Variants in XIRP2 observed in about 807,000 individuals in gnomAD.
XIRP2 encodes xin actin binding repeat containing 2.
A neutral mutation model predicts 277.0 loss-of-function variants in XIRP2; 236 were observed. The observed-to-expected ratio is 0.85, with a 90% CI of 0.77 to 0.95. The LOEUF (loss-of-function observed/expected upper bound fraction) is 0.95, where lower values mean the gene tolerates loss of function less well. Ranked by LOEUF, XIRP2 falls within the 40% of genes least tolerant of loss-of-function variation. The pLI is 0.00. For synonymous variants in XIRP2, 1,490 were observed against 1,416.5 expected, an observed-to-expected ratio of 1.05 and a Z score of -1.17; for missense variants, 4,640 against 4,157.5, an observed-to-expected ratio of 1.12 and a Z score of -3.19.
intron 10 of XIRP2, among the ~76,000 whole-genome samples, chr2:167,256,175 T>G (rs1032870313): frequency 5.3e-5 from 8 of 151,590 alleles, no homozygotes; most frequent in African/African-American, 1.9e-4. Context: ...AAAGTTTGTT[T>G]TAATTATAAC....
At position 167,021,408 on chromosome 2, in the gene XIRP2, T is replaced by C. The variant is rs540643222; in HGVS notation, c.409-114501T>C. On this transcript the variant is annotated intron_variant, in intron 2 of 10. Coordinates refer to ENST00000409195, the MANE Select transcript of XIRP2 (RefSeq NM_152381.6). ...TGTCTGCTCCCAAAACAGTATATTATTTTAATTATAGCACTACACGTGCAA... is the reference window on the plus strand; with the variant it reads ...TGTCTGCTCCCAAAACAGTATATTACTTTAATTATAGCACTACACGTGCAA... 3.3e-5 allele frequency among the ~76,000 whole-genome samples: 5 copies of C among 152,258 alleles called. 1 individual carries two copies. In the South Asian group the frequency reaches 1.0e-3, roughly 32 times the overall value.
intron 1 of XIRP2, among the ~76,000 whole-genome samples, chr2:166,896,585 T>C (rs925293533): frequency 2.0e-5 from 3 of 152,008 alleles, no homozygotes; most frequent in African/African-American, 7.2e-5. Flanking sequence ...CTAAGTGTTA[T>C]TAAGAAAGAG....
chr2:167,207,439 G>A (rs983234111), intron 3 of XIRP2, among the ~76,000 whole-genome samples: 6 of 152,112 alleles, frequency 3.9e-5, no homozygotes, highest in African/African-American at 1.4e-4. Flanking sequence ...CAGAGGGGTC[G>A]CTATTCAATC....
intron 2 of XIRP2, among the ~76,000 whole-genome samples, chr2:166,963,945 A>G (rs1005195285): frequency 6.6e-6 from 1 of 151,800 alleles, no homozygotes; most frequent in African/African-American, 2.4e-5. Context: ...CCAGGTGAAG[A>G]CATGGTGTGT....
chr2:167,198,910 A>G (rs1054633306), intron 3 of XIRP2, among the ~76,000 whole-genome samples: 2 of 152,224 alleles, frequency 1.3e-5, no homozygotes, highest in Admixed American at 6.5e-5. Context: ...CTGTTCGTGG[A>G]CTTAGGCAGA....
At chr2:166,907,622 T>C (rs1433722577) in intron 2 of XIRP2, among the ~76,000 whole-genome samples, 1 of 152,060 alleles carries the variant, frequency 6.6e-6, no homozygotes, top group Non-Finnish European at 1.5e-5. Context: ...GTTTTTTTTT[T>C]TTTTTTAATA....
In XIRP2 at chr2:167,243,692, T is replaced by G. The variant is rs1695152481; in HGVS notation, c.2300T>G (p.Val767Gly). ...AGAGAAGACGTTGAAAAGGGAGATG[T>G]AAGAACAGCACGGTGGATGTTTGAA... is the stretch of plus-strand genomic sequence containing the variant. ...VHREDVEKGD[V>G]RTARWMFETQ... Residue 767 changes from valine to glycine, a missense_variant, in exon 9 of 11, where the codon GTA (valine) becomes GGA (glycine). Transcript: ENST00000409195. The G allele has an allele frequency of 1.2e-6, 2 of 1,614,000 alleles. No individual in the cohort carries two copies. Among genetic ancestry groups the G allele is most frequent in the Admixed American group, 3.3e-5 (2 of 60,010 alleles).
At chr2:167,087,046 G>A (rs1247642693) in intron 2 of XIRP2, among the ~76,000 whole-genome samples, 1 of 150,990 alleles carries the variant, frequency 6.6e-6, no homozygotes, top group East Asian at 1.9e-4. Context: ...CAGTTTTTCT[G>A]TTCTGTTTTT....
intron 2 of XIRP2, among the ~76,000 whole-genome samples, chr2:166,906,856 G>A (rs1488094217): frequency 1.3e-5 from 2 of 152,228 alleles, no homozygotes; most frequent in East Asian, 1.9e-4. Context: ...GATCCCATGA[G>A]CAAGGGGTTG....
chr2:166,948,554 T>C (rs912423421), intron 2 of XIRP2, among the ~76,000 whole-genome samples: 2 of 152,076 alleles, frequency 1.3e-5, no homozygotes, highest in Non-Finnish European at 2.9e-5. Context: ...CTTTGTGGGC[T>C]AAGAATTATT....
At chr2:167,127,360 A>G (rs1691238433) in intron 2 of XIRP2, among the ~76,000 whole-genome samples, 1 of 152,204 alleles carries the variant, frequency 6.6e-6, no homozygotes, top group Non-Finnish European at 1.5e-5. Context: ...TAATGAAATC[A>G]GTACATTGTG....
At chr2:166,894,305 T>C (rs1288969739) in intron 1 of XIRP2, among the ~76,000 whole-genome samples, 2 of 152,138 alleles carry the variant, frequency 1.3e-5, no homozygotes, top group Non-Finnish European at 2.9e-5. Flanking sequence ...GAAGACCTCA[T>C]ACTCTTTTAT....
chr2:167,240,827 C>T, intron 7 of XIRP2, 91 bp downstream of exon 7: 1 of 1,068,824 alleles, frequency 9.4e-7, no homozygotes, highest in Non-Finnish European at 1.4e-6. Flanking sequence ...CAGTCCTCCC[C>T]TCTGAGTAAC....
At chr2:167,156,721 A>G (rs748712933) in intron 3 of XIRP2, among the ~76,000 whole-genome samples, 1 of 152,202 alleles carries the variant, frequency 6.6e-6, no homozygotes, top group Non-Finnish European at 1.5e-5. Flanking sequence ...TGTATCAAAT[A>G]CAGTTTGCCA....
intron 3 of XIRP2, among the ~76,000 whole-genome samples, chr2:167,154,521 C>G (rs1369592984): frequency 7.3e-5 from 11 of 151,350 alleles, no homozygotes; most frequent in South Asian, 2.1e-4. Flanking sequence ...AGGTTTTCTT[C>G]TAGGGTTTCT....
At chr2:166,977,499 C>T (rs1181792402) in intron 2 of XIRP2, among the ~76,000 whole-genome samples, 1 of 152,108 alleles carries the variant, frequency 6.6e-6, no homozygotes, top group Non-Finnish European at 1.5e-5. Context: ...GTACTGTTAA[C>T]ATTTTACTGT....
chr2:167,000,614 C>T (rs1374894919), intron 2 of XIRP2, among the ~76,000 whole-genome samples: 1 of 151,398 alleles, frequency 6.6e-6, no homozygotes, highest in Admixed American at 6.6e-5. Flanking sequence ...CCATGGATGT[C>T]CAGATCCATG....
At chr2:167,235,296 T>C (rs1366536647) in intron 5 of XIRP2, among the ~76,000 whole-genome samples, 1 of 151,814 alleles carries the variant, frequency 6.6e-6, no homozygotes, top group Non-Finnish European at 1.5e-5. Flanking sequence ...GAGTGCACTT[T>C]GTAAAGTGAT....
intron 2 of XIRP2, among the ~76,000 whole-genome samples, chr2:167,034,092 A>G (rs989265054): frequency 2.0e-5 from 3 of 152,202 alleles, no homozygotes; most frequent in Non-Finnish European, 4.4e-5. Context: ...CATAAACAAT[A>G]TAATAAGGTA....
Sources: allele counts gnomAD v4.1 joint callset (sites outside exome capture counted in the v4.1 genomes callset), GRCh38; gene constraint gnomAD v4.1.1; transcripts MANE v1.5; gene names NCBI Gene and HGNC (gene_info 2026-07-23, HGNC 2026-07-21).